The following RXFP2 variants were observed in gnomAD, a reference collection of about 807,000 sequenced individuals.
The protein encoded by RXFP2 is relaxin family peptide receptor 2, also known as relaxin receptor 2.
In RXFP2, 68 loss-of-function variants were observed where a neutral mutation model predicts 88.6. The observed-to-expected ratio is 0.77, with a 90% CI of 0.63 to 0.94. RXFP2 has a LOEUF of 0.94. RXFP2 is among the 40% of genes least tolerant of loss of function. The probability of loss-of-function intolerance (pLI) is 0.00; values close to 1 mark genes in which losing one functional copy is unlikely to be tolerated. For synonymous variants in RXFP2, 329 were observed against 306.8 expected (o/e 1.07, Z -0.76); for missense variants, 791 against 893.9 (o/e 0.88, Z 1.47).
chr13:31,776,188 T>C (rs7318791), intron 7 of RXFP2, among the ~76,000 whole-genome samples: 45,373 of 142,742 alleles, frequency 0.32, 7,701 homozygotes, highest in East Asian at 0.49. Context: ...CTTTCTCTCT[T>C]TCTTTCTTTT....
In RXFP2 at chr13:31,803,337, A is replaced by G. The variant is rs982657180; in HGVS notation, c.*932A>G. ...GGGTGGTTTTTTGAAAACGAAACTG[A>G]AAAAAATTATATGTGAAAATGAGAA... On this transcript the variant is annotated 3_prime_UTR_variant, in exon 18 of 18. Coordinates refer to ENST00000298386, the MANE Select transcript of RXFP2 (RefSeq NM_130806.5). 3 of 152,214 alleles carry G rather than the reference A, an allele frequency of 2.0e-5. No homozygotes were observed. Among genetic ancestry groups the G allele is most frequent in the African/African-American group, 7.2e-5 (3 of 41,438 alleles). The allele number at this position is 152,214 out of a possible 1,614,324, so 9.4% of individuals were successfully genotyped here. A position where few individuals can be genotyped will look rare whatever the true frequency, so the allele number is the denominator to read the frequency against.
At chr13:31,743,492 G>C (rs1421363868) in intron 1 of RXFP2, among the ~76,000 whole-genome samples, 2 of 151,410 alleles carry the variant, frequency 1.3e-5, no homozygotes, top group Non-Finnish European at 2.9e-5. Context: ...AAAAATTAAA[G>C]AATTGCGATT....
chr13:31,756,483 G>T (rs1366886766), intron 1 of RXFP2, among the ~76,000 whole-genome samples: 1 of 152,110 alleles, frequency 6.6e-6, no homozygotes, highest in Non-Finnish European at 1.5e-5. Flanking sequence ...GGAATTCTGG[G>T]TCATGATGCT....
At chr13:31,764,458 C>A (rs1280177241) in intron 3 of RXFP2, among the ~76,000 whole-genome samples, 2 of 152,172 alleles carry the variant, frequency 1.3e-5, no homozygotes, top group Admixed American at 1.3e-4. Flanking sequence ...AGCTTTGCAG[C>A]TTTTTACCTT....
intron 1 of RXFP2, among the ~76,000 whole-genome samples, chr13:31,744,748 T>G (rs1871344294): frequency 6.6e-6 from 1 of 152,202 alleles, no homozygotes; most frequent in African/African-American, 2.4e-5. Flanking sequence ...TATTTTTTAT[T>G]TGGATCATTC....
chr13:31,762,634 A>G (rs1872352743), intron 3 of RXFP2, among the ~76,000 whole-genome samples: 1 of 152,206 alleles, frequency 6.6e-6, no homozygotes, highest in African/African-American at 2.4e-5. Flanking sequence ...ATTAGTATGT[A>G]TATGTAAATG....
intron 2 of RXFP2, 91 bp downstream of exon 2, chr13:31,758,495 G>T: frequency 9.7e-6 from 14 of 1,442,664 alleles, no homozygotes; most frequent in East Asian, 2.3e-5. Flanking sequence ...GATAAACTAG[G>T]AAAGCTGATT....
intron 1 of RXFP2, among the ~76,000 whole-genome samples, chr13:31,741,733 C>A (rs951812728): frequency 6.6e-6 from 1 of 152,138 alleles, no homozygotes; most frequent in Non-Finnish European, 1.5e-5. Flanking sequence ...ATTATTATTA[C>A]GTGTGTTTTA....
At chr13:31,742,461 C>T (rs1871257030) in intron 1 of RXFP2, among the ~76,000 whole-genome samples, 1 of 152,214 alleles carries the variant, frequency 6.6e-6, no homozygotes, top group South Asian at 2.1e-4. Flanking sequence ...TCAGGCCAGT[C>T]ATCCCGAAGA....
At chr13:31,785,444 T>C (rs1482868089) in intron 11 of RXFP2, among the ~76,000 whole-genome samples, 1 of 152,028 alleles carries the variant, frequency 6.6e-6, no homozygotes, top group Non-Finnish European at 1.5e-5. Context: ...CCACCTAAAA[T>C]CATCAAGCTT....
chr13:31,753,157 A>G (rs1265017532), intron 1 of RXFP2, among the ~76,000 whole-genome samples: 1 of 152,188 alleles, frequency 6.6e-6, no homozygotes, highest in Non-Finnish European at 1.5e-5. Flanking sequence ...AGCTTTATGT[A>G]GGACTAGCAT....
intron 11 of RXFP2, among the ~76,000 whole-genome samples, chr13:31,785,280 C>G (rs1174778155): frequency 6.6e-6 from 1 of 152,076 alleles, no homozygotes; most frequent in Non-Finnish European, 1.5e-5. Flanking sequence ...TTTGTCTCCA[C>G]GCACTCTCCA....
chr13:31,796,986 G>A (rs1287217071), intron 16 of RXFP2, among the ~76,000 whole-genome samples: 1 of 152,158 alleles, frequency 6.6e-6, no homozygotes, highest in African/African-American at 2.4e-5. Flanking sequence ...CAGACTATGT[G>A]TATAAGGTGT....
intron 14 of RXFP2, among the ~76,000 whole-genome samples, chr13:31,790,148 C>A (rs1336961090): frequency 6.6e-6 from 1 of 152,166 alleles, no homozygotes; most frequent in Non-Finnish European, 1.5e-5. Context: ...AGTTACTTCC[C>A]TACTAAGTAA....
chr13:31,777,271 C>T, intron 7 of RXFP2, 105 bp from the exon 8 acceptor site: 2 of 764,344 alleles, frequency 2.6e-6, no homozygotes, highest in African/African-American at 1.7e-5. Context: ...ACAGGTGAGC[C>T]AAGTATGGAA....
chr13:31,795,765 C>G (rs1050685999), intron 16 of RXFP2, among the ~76,000 whole-genome samples: 1 of 152,020 alleles, frequency 6.6e-6, no homozygotes, highest in African/African-American at 2.4e-5. Context: ...CTTATTTTCA[C>G]TGTGAGAAAT....
chr13:31,764,963 A>G lies in RXFP2; in HGVS notation c.320-74A>G, dbSNP rs192273159. On this transcript the variant is annotated intron_variant, in intron 3 of 17. Transcript: ENST00000298386. The stretch of plus-strand genomic sequence containing the variant: ...ATACATTCGATGAAAAGAAAACAAT[A>G]TCAGTTATTAAAGGCAAAGTCATAA... 90 of 807,526 alleles carry G rather than the reference A, an allele frequency of 1.1e-4. No homozygotes were observed. The African/African-American group carries it at 1.2e-3, about 11-fold the overall frequency. 50.0% of individuals were successfully genotyped at this position (807,526 alleles called of 1,614,324 possible). A position where few individuals can be genotyped will look rare whatever the true frequency, so the allele number is the denominator to read the frequency against.
intron 1 of RXFP2, among the ~76,000 whole-genome samples, chr13:31,749,365 A>G (rs189363311): frequency 6.6e-6 from 1 of 152,338 alleles, no homozygotes; most frequent in East Asian, 1.9e-4. Context: ...TGCCATACAG[A>G]TAATGAGTCC....
intron 3 of RXFP2, among the ~76,000 whole-genome samples, chr13:31,762,572 A>G (rs1872350000): frequency 6.6e-6 from 1 of 152,188 alleles, no homozygotes; most frequent in Admixed American, 6.5e-5. Context: ...GTGTGTGTGT[A>G]TATGTAGAGA....
Sources: allele counts gnomAD v4.1 joint callset (sites outside exome capture counted in the v4.1 genomes callset), GRCh38; gene constraint gnomAD v4.1.1; transcripts MANE v1.5; gene names NCBI Gene and HGNC (gene_info 2026-07-23, HGNC 2026-07-21).